The following VIL1 variants were observed in gnomAD, a reference collection of about 807,000 sequenced individuals.
VIL1 encodes villin 1, also known as villin-1.
VIL1 carries 86 observed loss-of-function variants against 104.0 expected under a neutral mutation model. The observed-to-expected ratio is 0.83, with a 90% confidence interval of 0.69 to 0.99. VIL1 has a LOEUF of 0.99. Ranked by LOEUF, VIL1 falls within the 50% of genes least tolerant of loss-of-function variation. The pLI, the probability that VIL1 is intolerant of heterozygous loss-of-function variation, is 0.00. For missense variants in VIL1, 944 were observed against 1,054.1 expected (o/e 0.90, Z 1.45); for synonymous variants, 394 against 412.6 (o/e 0.95, Z 0.55).
chr2:218,446,290 A>G (rs1457109116), intron 19 of VIL1, among the ~76,000 whole-genome samples: 1 of 152,150 alleles, frequency 6.6e-6, no homozygotes, highest in South Asian at 2.1e-4. Flanking sequence ...GCTGGAGTGC[A>G]GTGCCATCAT....
At position 218,437,261 on chromosome 2, in the gene VIL1, G is replaced by A. The variant is rs1689211396; in HGVS notation, c.2109G>A (p.Glu703=). 6.2e-7 allele frequency: 1 copy of A among 1,614,196 alleles called. No individual in the cohort carries two copies. Among genetic ancestry groups the A allele is most frequent in the Non-Finnish European group, 8.5e-7 (1 of 1,180,030 alleles). The part of the protein sequence containing the change: ...TPIIVVKQGH[E]PPTFTGWFLA... ...TCATTGTGGTGAAGCAGGGACACGA[G>A]CCCCCCACCTTCACAGGCTGGTTCC... Residue 703 remains glutamate (E), a synonymous_variant, in exon 17 of 20, where the codon GAG becomes GAA. Transcript: ENST00000248444.
chr2:218,425,771 G>A lies in VIL1; in HGVS notation c.307G>A (p.Glu103Lys), dbSNP rs746568854. The change falls in exon 4 of 20, where the codon GAG becomes AAG. Residue 103 changes from glutamate (E) to lysine (K), a missense_variant. Coordinates refer to ENST00000248444, the MANE Select transcript of VIL1 (RefSeq NM_007127.3). ...AVQHREVQGN[E>K]SEAFRGYFKQ... ...GCAGCACCGCGAGGTCCAGGGCAAC[G>A]AGAGCGAGGCCTTCCGAGGCTACTT... The A allele has an allele frequency of 9.3e-6, 15 of 1,613,506 alleles. No homozygotes were observed. The highest frequency in any genetic ancestry group is 2.7e-5 in the African/African-American group (2 of 74,930).
intron 1 of VIL1, among the ~76,000 whole-genome samples, chr2:218,421,829 AC>A (rs889064789): frequency 3.6e-4 from 55 of 152,204 alleles, no homozygotes; most frequent in Admixed American, 6.6e-4. Context: ...CTGCCAGTTA[AC>A]CCTGGAATCA....
Position 218,432,175 on chromosome 2 carries a change from G to T in VIL1, c.1333G>T (p.Val445Phe). The T allele has an allele frequency of 6.2e-7, 1 of 1,612,534 alleles. No individual in the cohort carries two copies. Residue 445 changes from valine to phenylalanine, a missense_variant, in exon 12 of 20, where the codon GTT (valine) becomes TTT (phenylalanine). Val to Phe is a conservative substitution (Grantham distance 50). Transcript: ENST00000248444. ...IGEKQHYLLY[V>F]WQGSQASQDE... ...CGAGAAGCAGCATTACCTGCTCTAC[G>T]TTTGGCAGGTCAGGTCCCGCCACGT...
chr2:218,435,644 C>T lies in VIL1; in HGVS notation c.1826+210C>T, dbSNP rs78844800. Among the ~76,000 whole-genome samples, 399 of 152,358 alleles carry T rather than the reference C, an allele frequency of 2.6e-3. 2 individuals are homozygous for T. Among genetic ancestry groups the T allele is most frequent in the Non-Finnish European group, 5.1e-3 (345 of 68,036 alleles). The stretch of plus-strand genomic sequence containing the variant: ...GGGGCTGTGTCTGTGCTGCTCACTA[C>T]AGTATGCCCAGGACCTGGTGGGGTA... On this transcript the variant is annotated intron_variant, in intron 15 of 19. Coordinates refer to ENST00000248444, the MANE Select transcript of VIL1 (RefSeq NM_007127.3).
At chr2:218,426,493 C>G (rs1219628519) in intron 4 of VIL1, among the ~76,000 whole-genome samples, 1 of 152,056 alleles carries the variant, frequency 6.6e-6, no homozygotes, top group Non-Finnish European at 1.5e-5. Flanking sequence ...CTCAAGTGAT[C>G]CATCTGCCTC....
At chr2:218,425,228 C>T (rs1408667242) in intron 3 of VIL1, among the ~76,000 whole-genome samples, 1 of 152,080 alleles carries the variant, frequency 6.6e-6, no homozygotes, top group African/African-American at 2.4e-5. Flanking sequence ...TTACAGGCAT[C>T]TGCCCCCACA....
At chr2:218,420,747 G>C (rs941089484) in intron 1 of VIL1, among the ~76,000 whole-genome samples, 6 of 151,912 alleles carry the variant, frequency 3.9e-5, no homozygotes, top group Non-Finnish European at 5.9e-5. Context: ...CATCTCGCCC[G>C]GCTAATTTTT....
chr2:218,451,579 C>T lies in VIL1; in HGVS notation c.*2243C>T, dbSNP rs201481658. 9.0e-4 allele frequency: 44 copies of T among 49,042 alleles called. No individual in the cohort carries two copies. Among genetic ancestry groups the T allele is most frequent in the Non-Finnish European group, 2.4e-4 (5 of 20,924 alleles). The allele number at this position is 49,042 out of a possible 1,614,324, so 3.0% of individuals were successfully genotyped here. On this transcript the variant is annotated 3_prime_UTR_variant, in exon 20 of 20. Coordinates refer to ENST00000248444, the MANE Select transcript of VIL1 (RefSeq NM_007127.3). ...GTTTGCAGATAATTTTCATTATATC[C>T]GTAGCTGTATGTGTGTATAGTTACA...
Position 218,425,621 on chromosome 2 carries a change from A to G in VIL1, c.157A>G (p.Lys53Glu), listed in dbSNP as rs755861387. Residue 53 changes from lysine (K) to glutamate (E), a missense_variant, in exon 4 of 20, where the codon AAG becomes GAG. Lys to Glu is a moderately conservative substitution (Grantham distance 56). Transcript: ENST00000248444. ...GDCYIILAIH[K>E]TASSLSYDIH... ...CTGGACACCTTTTCCCTAGATCCAC[A>G]AGACAGCCAGCAGCCTGTCCTATGA... 1 of 1,614,100 alleles carries G rather than the reference A, an allele frequency of 6.2e-7. No homozygotes were observed. Among genetic ancestry groups the G allele is most frequent in the South Asian group, 1.1e-5 (1 of 91,074 alleles).
In VIL1 at chr2:218,431,743, C is replaced by T. The variant is rs539352155; in HGVS notation, c.1103-114C>T. ...GTAAGCTACTGAATCTCTCTTGCCT[C>T]GGTTTCCTCATCTGAAAATGAGTCT... On this transcript the variant is annotated intron_variant, in intron 10 of 19. Transcript: ENST00000248444. The T allele has an allele frequency of 2.0e-4, 172 of 869,400 alleles. 1 individual carries two copies. In the East Asian group the frequency reaches 3.2e-3, roughly 16 times the overall value. The allele number at this position is 869,400 out of a possible 1,614,324, so 53.9% of individuals were successfully genotyped here. A position where few individuals can be genotyped will look rare whatever the true frequency, so the allele number is the denominator to read the frequency against.
At chr2:218,421,513 T>C (rs1688899082) in intron 1 of VIL1, among the ~76,000 whole-genome samples, 1 of 152,012 alleles carries the variant, frequency 6.6e-6, no homozygotes, top group Admixed American at 6.5e-5. Flanking sequence ...CTGGTCTTCC[T>C]GGAAGTTCAG....
At chr2:218,442,041 G>A (rs1689293317) in intron 19 of VIL1, among the ~76,000 whole-genome samples, 1 of 152,172 alleles carries the variant, frequency 6.6e-6, no homozygotes, top group Non-Finnish European at 1.5e-5. Flanking sequence ...TAGCCTGGAA[G>A]GTGGCAAGAG....
chr2:218,432,739 G>A, intron 12 of VIL1, 54 bp from the exon 13 acceptor site: 1 of 1,606,168 alleles, frequency 6.2e-7, no homozygotes, highest in Non-Finnish European at 8.5e-7. Flanking sequence ...CTGAGGATGG[G>A]GTCAGAATTG....
chr2:218,440,536 C>T (rs746665886), intron 18 of VIL1, among the ~76,000 whole-genome samples, 186 bp from the exon 19 acceptor site: 7 of 152,106 alleles, frequency 4.6e-5, no homozygotes, highest in Non-Finnish European at 1.0e-4. Flanking sequence ...TCCCAAAGTG[C>T]TGGGATTACA....
chr2:218,425,513 G>C (rs1168953995), intron 3 of VIL1, 102 bp from the exon 4 acceptor site: 1 of 1,228,616 alleles, frequency 8.1e-7, no homozygotes, highest in Non-Finnish European at 1.2e-6. Flanking sequence ...CCTGTGCCAC[G>C]CTCCCCCATA....
chr2:218,438,554 C>G lies in VIL1; in HGVS notation c.2161-104C>G, dbSNP rs932623124. On this transcript the variant is annotated intron_variant, in intron 17 of 19. Coordinates refer to ENST00000248444, the MANE Select transcript of VIL1 (RefSeq NM_007127.3). ...TCATATCCTCTTTCCTTTCTTACCA[C>G]TAGGCCCCAGACCAGCCTTCTTTTC... 3 of 1,078,536 alleles carry G rather than the reference C, an allele frequency of 2.8e-6. No individual in the cohort carries two copies. In the African/African-American group the frequency reaches 4.7e-5, roughly 17 times the overall value. 66.8% of individuals were successfully genotyped at this position (1,078,536 alleles called of 1,614,324 possible). A position where few individuals can be genotyped will look rare whatever the true frequency, so the allele number is the denominator to read the frequency against.
chr2:218,450,048 C>A lies in VIL1; in HGVS notation c.*712C>A, dbSNP rs1574823036. 6.6e-6 allele frequency: 1 copy of A among 152,314 alleles called. No individual in the cohort carries two copies. The highest frequency in any genetic ancestry group is 2.1e-4 in the South Asian group (1 of 4,826). 9.4% of individuals were successfully genotyped at this position (152,314 alleles called of 1,614,324 possible). ...ACCCAGAAGCCTCTGCAAAGCTTCA[C>A]AGGCTCCTCAGATGAAAATAACAGG... On this transcript the variant is annotated 3_prime_UTR_variant, in exon 20 of 20. Transcript: ENST00000248444.
Position 218,429,961 on chromosome 2 carries a change from CG to C in VIL1, c.948+19del. The C allele has an allele frequency of 1.4e-5, 9 of 650,216 alleles. No homozygotes were observed. The highest frequency in any genetic ancestry group is 2.1e-5 in the Non-Finnish European group (9 of 437,464). 40.3% of individuals were successfully genotyped at this position (650,216 alleles called of 1,614,324 possible). Reference sequence around the variant, plus strand: ...AGCCATGCGCTGGTAGTGGTGGGGGCGGGGGAGGGTCCAGGAGGAGGGCAGA... The same window carrying C: ...AGCCATGCGCTGGTAGTGGTGGGGGCGGGGAGGGTCCAGGAGGAGGGCAGA... On this transcript the variant is annotated intron_variant, in intron 9 of 19. Transcript: ENST00000248444.
Sources: gnomAD v4.1 joint callset for allele counts (sites outside exome capture counted in the v4.1 genomes callset) on GRCh38, gnomAD v4.1.1 for gene constraint, MANE v1.5 for transcripts, NCBI Gene and HGNC (gene_info 2026-07-23, HGNC 2026-07-21) for gene names.